SPAG9: variants seen among roughly 807,000 people sequenced by gnomAD.
SPAG9 encodes sperm associated antigen 9.
Under a neutral mutation model 166.5 loss-of-function variants are expected in SPAG9, and 35 were observed. The ratio of observed to expected loss-of-function variants is 0.21; its 90% CI spans 0.16 to 0.28. The LOEUF is 0.28. Ranked by LOEUF, SPAG9 falls within the 10% of genes least tolerant of loss-of-function variation. The pLI is 1.00. For synonymous variants in SPAG9, 534 were observed against 565.5 expected (o/e 0.94, Z 0.79); for missense variants, 1,235 against 1,603.3 (o/e 0.77, Z 3.92).
intron 29 of SPAG9, among the ~76,000 whole-genome samples, chr17:50,967,028 C>T (rs1973408096): frequency 6.6e-6 from 1 of 152,186 alleles, no homozygotes; most frequent in Non-Finnish European, 1.5e-5. Context: ...GGGGTAGCAG[C>T]CAAGATACAG....
chr17:51,041,581 G>A lies in SPAG9; in HGVS notation c.661C>T (p.Gln221Ter). 6.2e-7 allele frequency: 1 copy of A among 1,613,916 alleles called. No individual in the cohort carries two copies. The part of the protein sequence containing the change: ...AGDGLLTPDA[Q>*]KGGETPGSEQ... Reference sequence around the variant, plus strand: ...GATCCAGGGGTCTCTCCTCCTTTCTGAGCATCAGGTGTAAGCAATCCATCT... The same window carrying A: ...GATCCAGGGGTCTCTCCTCCTTTCTAAGCATCAGGTGTAAGCAATCCATCT... The change falls in exon 5 of 30, where the codon CAG (glutamine) becomes TAG (stop). Residue 221 changes from glutamine (Q) to a stop codon, truncating the protein, a stop_gained. Transcript: ENST00000262013. LOFTEE classifies it high-confidence loss of function.
At chr17:51,038,491 C>G (rs2046707296) in intron 5 of SPAG9, among the ~76,000 whole-genome samples, 1 of 152,136 alleles carries the variant, frequency 6.6e-6, no homozygotes, top group African/African-American at 2.4e-5. Context: ...AAGATGAGGA[C>G]TGAGAATTTT....
intron 29 of SPAG9, among the ~76,000 whole-genome samples, chr17:50,966,994 T>A (rs766352800): frequency 6.6e-6 from 1 of 152,202 alleles, no homozygotes; most frequent in Non-Finnish European, 1.5e-5. Flanking sequence ...CAGTGTATAA[T>A]GGAAAAGGAG....
At chr17:51,016,581 G>T (rs1225259952) in intron 8 of SPAG9, among the ~76,000 whole-genome samples, 1 of 152,204 alleles carries the variant, frequency 6.6e-6, no homozygotes, top group Non-Finnish European at 1.5e-5. Flanking sequence ...ATAACCCAAG[G>T]CTTTATTAAT....
rs148200136 is a variant in SPAG9 at position 51,000,669 on chromosome 17, T to A, written c.1608-952A>T. Among the ~76,000 whole-genome samples the A allele has an allele frequency of 9.1e-3, 1,372 of 150,504 alleles. 24 individuals carry two copies. The highest frequency in any genetic ancestry group is 0.032 in the African/African-American group (1,321 of 40,870). On this transcript the variant is annotated intron_variant, in intron 13 of 29. Transcript: ENST00000262013. ...ACTGCTTGAACCCAGGGGGTGGAGG[T>A]TGCAGTGAGCCGAGATCACACTTCT...
At chr17:50,996,354 C>T in intron 16 of SPAG9, 2 of 544,854 alleles carry the variant, frequency 3.7e-6, no homozygotes, top group Non-Finnish European at 6.4e-6. Context: ...ATTGACTCCT[C>T]CCCCCCTCAC....
At chr17:51,084,933 C>T (rs1189675980) in intron 1 of SPAG9, among the ~76,000 whole-genome samples, 1 of 152,108 alleles carries the variant, frequency 6.6e-6, no homozygotes. Context: ...TCACTGCAGC[C>T]TCCACCTCCC....
Position 50,964,518 on chromosome 17 carries a change from G to A in SPAG9, c.*1754C>T, listed in dbSNP as rs959802403. On this transcript the variant is annotated 3_prime_UTR_variant, in exon 30 of 30. Transcript: ENST00000262013. Reference sequence around the variant, plus strand: ...CAGGAGAACTACTTGAACCTGAGAGGTGGAGGTTGCAGTGAGCTGAGATCG... The same window carrying A: ...CAGGAGAACTACTTGAACCTGAGAGATGGAGGTTGCAGTGAGCTGAGATCG... 5.8e-5 allele frequency: 10 copies of A among 173,574 alleles called. No individual in the cohort carries two copies. The highest frequency in any genetic ancestry group is 1.2e-4 in the Non-Finnish European group (10 of 80,048). The allele number at this position is 173,574 out of a possible 1,614,324, so 10.8% of individuals were successfully genotyped here.
chr17:51,097,265 C>T (rs1383725977), intron 1 of SPAG9, among the ~76,000 whole-genome samples: 3 of 152,212 alleles, frequency 2.0e-5, no homozygotes, highest in Non-Finnish European at 4.4e-5. Flanking sequence ...TAACAGTAAA[C>T]ATAACTGTTT....
At chr17:50,994,869 C>T (rs1484292834) in intron 18 of SPAG9, among the ~76,000 whole-genome samples, 188 bp downstream of exon 18, 1 of 152,136 alleles carries the variant, frequency 6.6e-6, no homozygotes, top group East Asian at 1.9e-4. Flanking sequence ...ATACCCATTT[C>T]GAGTGCACAC....
chr17:51,102,533 G>A (rs962489808), intron 1 of SPAG9, among the ~76,000 whole-genome samples: 9 of 150,320 alleles, frequency 6.0e-5, no homozygotes, highest in African/African-American at 9.8e-5. Flanking sequence ...GTGGAGTCTC[G>A]CTCTGTCACC....
At position 50,998,584 on chromosome 17, in the gene SPAG9, C is replaced by T. The variant is rs140581860; in HGVS notation, c.1698G>A (p.Thr566=). 7.7e-5 allele frequency: 125 copies of T among 1,613,888 alleles called. No homozygotes were observed. Among genetic ancestry groups the T allele is most frequent in the Non-Finnish European group, 9.4e-5 (111 of 1,180,006 alleles). The change falls in exon 15 of 30, where the codon ACG becomes ACA. Residue 566 remains threonine, a synonymous_variant. Coordinates refer to ENST00000262013, the MANE Select transcript of SPAG9 (RefSeq NM_001130528.3). ...TAACAGGTGGTTCAGGCTTCTTAGT[C>T]GTGTTACTTGAGGAGCTGAAAAGTC... is the stretch of plus-strand genomic sequence containing the variant. ...FSRLFSSSSN[T]TKKPEPPVNL...
At chr17:51,088,593 G>A (rs1329760090) in intron 1 of SPAG9, among the ~76,000 whole-genome samples, 1 of 152,104 alleles carries the variant, frequency 6.6e-6, no homozygotes, top group Admixed American at 6.6e-5. Flanking sequence ...TCAGGAGATC[G>A]AGACCAACCT....
chr17:51,036,891 A>C (rs2046608268), intron 5 of SPAG9, among the ~76,000 whole-genome samples: 1 of 152,188 alleles, frequency 6.6e-6, no homozygotes, highest in South Asian at 2.1e-4. Flanking sequence ...AAGCAATACT[A>C]TACCACCTTA....
chr17:51,053,900 A>ATATATATAT (rs2144505931), intron 3 of SPAG9, among the ~76,000 whole-genome samples: 1 of 86,930 alleles, frequency 1.2e-5, no homozygotes, highest in Non-Finnish European at 2.4e-5. Context: ...TATATATATA[A>ATATATATAT]AACATATATG....
intron 1 of SPAG9, among the ~76,000 whole-genome samples, chr17:51,101,988 T>G (rs1371228594): frequency 6.6e-6 from 1 of 152,166 alleles, no homozygotes. Flanking sequence ...CAAAAATAAT[T>G]GTTTATTTTT....
At position 51,031,710 on chromosome 17, in the gene SPAG9, G is replaced by A. The variant is rs1235913204; in HGVS notation, c.754C>T (p.Pro252Ser). 1 of 1,550,660 alleles carries A rather than the reference G, an allele frequency of 6.4e-7. No individual in the cohort carries two copies. The highest frequency in any genetic ancestry group is 2.0e-5 in the Admixed American group (1 of 50,960). The change falls in exon 6 of 30, where the codon CCT becomes TCT. Residue 252 changes from proline to serine, a missense_variant. Pro to Ser is a moderately conservative substitution (Grantham distance 74). This residue lies in a region of SPAG9 where 288 missense variants were observed against 323.7 expected (regional missense o/e 0.89). Transcript: ENST00000262013. Reference sequence around the variant, plus strand: ...TGTTCTACAGCCTTCTGAGGTTCAGGACTATTGCTGACCTAGGAAGAGGGA... The same window carrying A: ...TGTTCTACAGCCTTCTGAGGTTCAGAACTATTGCTGACCTAGGAAGAGGGA... The part of the protein sequence containing the change: ...SHTSLKVSNS[P>S]EPQKAVEQED...
intron 1 of SPAG9, among the ~76,000 whole-genome samples, chr17:51,112,131 C>A (rs1031280998): frequency 6.6e-6 from 1 of 152,076 alleles, no homozygotes; most frequent in Admixed American, 6.6e-5. Flanking sequence ...CCATCCCACT[C>A]CCGCCAGAAA....
At chr17:51,004,684 C>A (rs956725596) in intron 12 of SPAG9, among the ~76,000 whole-genome samples, 3 of 151,928 alleles carry the variant, frequency 2.0e-5, no homozygotes, top group African/African-American at 7.3e-5. Context: ...GAGCTGAGAT[C>A]GCAGAACTGC....
Sources: allele counts gnomAD v4.1 joint callset (sites outside exome capture counted in the v4.1 genomes callset), GRCh38; gene constraint gnomAD v4.1.1; regional missense constraint gnomAD v4.1.1; transcripts MANE v1.5; gene names NCBI Gene and HGNC (gene_info 2026-07-23, HGNC 2026-07-21).